Variants in FOXN1 observed in about 807,000 individuals in gnomAD.
The protein encoded by FOXN1 is forkhead box N1.
In FOXN1, 15 loss-of-function variants were observed where a neutral mutation model predicts 49.0. That is an observed-to-expected ratio of 0.31 (90% CI 0.20 to 0.47). The LOEUF (loss-of-function observed/expected upper bound fraction) is 0.47. Among genes scored for constraint, FOXN1 ranks in the 20% least tolerant of loss-of-function variants. The pLI is 1.00. For synonymous variants in FOXN1, 356 were observed against 369.0 expected, an observed-to-expected ratio of 0.96 and a Z score of 0.40; for missense variants, 800 against 842.8, an observed-to-expected ratio of 0.95 and a Z score of 0.63.
intron 1 of FOXN1, among the ~76,000 whole-genome samples, chr17:28,509,499 AG>A (rs1431512382): frequency 1.3e-5 from 2 of 152,134 alleles, no homozygotes; most frequent in Admixed American, 1.3e-4. Context: ...ACCCCTCACC[AG>A]CATCCCCGCC....
intron 4 of FOXN1, among the ~76,000 whole-genome samples, chr17:28,528,158 G>T (rs1394320212): frequency 6.6e-6 from 1 of 152,222 alleles, no homozygotes; most frequent in Non-Finnish European, 1.5e-5. Flanking sequence ...AGGGAGGAAG[G>T]CAAGGGAGAG....
chr17:28,516,805 G>A (rs1224534959), intron 1 of FOXN1, among the ~76,000 whole-genome samples: 1 of 74,794 alleles, frequency 1.3e-5, no homozygotes, highest in Non-Finnish European at 3.0e-5. Flanking sequence ...TCTCCACAGG[G>A]TACACACCTC....
rs752558563 is a variant in FOXN1 at position 28,537,117 on chromosome 17, G to A, written c.1628G>A (p.Gly543Glu). 9 of 1,613,600 alleles carry A rather than the reference G, an allele frequency of 5.6e-6. No individual in the cohort carries two copies. The highest frequency in any genetic ancestry group is 1.3e-5 in the African/African-American group (1 of 74,902). Reference protein sequence around the residue: ...NPSLTDFDFQGNLWEQLKDDS... With the variant: ...NPSLTDFDFQENLWEQLKDDS... Reference sequence around the variant, plus strand: ...ACCTGTTCTCTCCTTCCCCATCTAGGAAACCTGTGGGAACAGTTGAAGGAT... The same window carrying A: ...ACCTGTTCTCTCCTTCCCCATCTAGAAAACCTGTGGGAACAGTTGAAGGAT... Residue 543 changes from glycine (G) to glutamate (E), a missense_variant and splice_region_variant, in exon 9 of 9, where the codon GGA becomes GAA. Coordinates refer to ENST00000579795, the MANE Select transcript of FOXN1 (RefSeq NM_001369369.1).
chr17:28,530,884 T>C, intron 6 of FOXN1, 39 bp downstream of exon 6: 2 of 1,153,740 alleles, frequency 1.7e-6, no homozygotes, highest in South Asian at 2.4e-5. Context: ...CACCCCCAAG[T>C]CCTGGACAGG....
chr17:28,513,841 C>T (rs1257682132), intron 1 of FOXN1, among the ~76,000 whole-genome samples: 2 of 152,174 alleles, frequency 1.3e-5, no homozygotes, highest in African/African-American at 4.8e-5. Flanking sequence ...TAGAGAGGGG[C>T]TGGAGAGACG....
chr17:28,537,536 T>G lies in FOXN1; in HGVS notation c.*100T>G. On this transcript the variant is annotated 3_prime_UTR_variant, in exon 9 of 9. Transcript: ENST00000579795. Reference sequence around the variant, plus strand: ...CTTAAAGGTCAAGGAAGGAAAATACTACCTGTCCCCTATGCCACTAAGCCA... The same window carrying G: ...CTTAAAGGTCAAGGAAGGAAAATACGACCTGTCCCCTATGCCACTAAGCCA... 1 of 920,266 alleles carries G rather than the reference T, an allele frequency of 1.1e-6. No individual in the cohort carries two copies. The highest frequency in any genetic ancestry group is 2.6e-5 in the East Asian group (1 of 38,914). The allele number at this position is 920,266 out of a possible 1,614,324, so 57.0% of individuals were successfully genotyped here.
chr17:28,530,583 G>T (rs376247236), intron 5 of FOXN1, among the ~76,000 whole-genome samples, 166 bp from the exon 6 acceptor site: 80 of 152,280 alleles, frequency 5.3e-4, no homozygotes, highest in East Asian at 4.2e-3. Flanking sequence ...CAAGACCCTC[G>T]CACGTCTGTA....
chr17:28,529,285 C>T (rs1217307593), intron 5 of FOXN1, 61 bp downstream of exon 5: 6 of 1,596,844 alleles, frequency 3.8e-6, no homozygotes, highest in Non-Finnish European at 8.6e-7. Context: ...CCTGGGAACA[C>T]TGAGGCATGG....
intron 6 of FOXN1, among the ~76,000 whole-genome samples, chr17:28,531,110 G>T (rs1567883955): frequency 6.6e-6 from 1 of 152,230 alleles, no homozygotes; most frequent in South Asian, 2.1e-4. Flanking sequence ...GGGAAGGTGG[G>T]CAAGGTAGCA....
At chr17:28,515,106 G>A (rs1001655860) in intron 1 of FOXN1, among the ~76,000 whole-genome samples, 8 of 152,230 alleles carry the variant, frequency 5.3e-5, no homozygotes, top group African/African-American at 1.9e-4. Context: ...TTCCTGGGGT[G>A]TAAAAACTCA....
chr17:28,510,580 GCACACACACACA>G (rs5819850), intron 1 of FOXN1, among the ~76,000 whole-genome samples: 98 of 138,184 alleles, frequency 7.1e-4, no homozygotes, highest in African/African-American at 2.2e-3. Flanking sequence ...GCACACACAC[GCACACACACACA>G]CACACACACA....
chr17:28,517,031 G>A (rs1168462706), intron 1 of FOXN1, among the ~76,000 whole-genome samples: 6 of 26,106 alleles, frequency 2.3e-4, no homozygotes, highest in Admixed American at 3.7e-4. Context: ...CAGGGTACAC[G>A]CCTCCACAGA....
chr17:28,517,681 T>C (rs1400850562), intron 1 of FOXN1, among the ~76,000 whole-genome samples: 11 of 22,846 alleles, frequency 4.8e-4, no homozygotes, highest in East Asian at 2.1e-3. Flanking sequence ...ACAGGATCCA[T>C]ACCTCCACAG....
At chr17:28,510,492 T>C (rs1382133689) in intron 1 of FOXN1, among the ~76,000 whole-genome samples, 3 of 149,842 alleles carry the variant, frequency 2.0e-5, no homozygotes, top group African/African-American at 4.9e-5. Flanking sequence ...GTAAATTCCA[T>C]AGCCATGTCC....
chr17:28,519,556 T>C (rs112677569), intron 1 of FOXN1, among the ~76,000 whole-genome samples: 2 of 152,164 alleles, frequency 1.3e-5, no homozygotes, highest in African/African-American at 4.8e-5. Flanking sequence ...CCTGTGCTGG[T>C]ATTTGCTGAT....
intron 6 of FOXN1, among the ~76,000 whole-genome samples, chr17:28,531,297 A>G (rs908904124): frequency 6.6e-6 from 1 of 152,146 alleles, no homozygotes; most frequent in East Asian, 1.9e-4. Flanking sequence ...TGAGATTAGG[A>G]TCTATCTCTG....
chr17:28,534,773 C>A lies in FOXN1; in HGVS notation c.1202C>A (p.Pro401His). 1 of 1,613,568 alleles carries A rather than the reference C, an allele frequency of 6.2e-7. No homozygotes were observed. The highest frequency in any genetic ancestry group is 8.5e-7 in the Non-Finnish European group (1 of 1,179,710). ...GGCTCCCCACTCCTGGGCTGTCCGC[C>A]CCCTGGGCTGTCCGGCTCAGGCCCC... ...KLGSPLLGCPPPGLSGSGPIR... is the reference protein window; with the variant it reads ...KLGSPLLGCPHPGLSGSGPIR... The change falls in exon 8 of 9, where the codon CCC becomes CAC. Residue 401 changes from proline to histidine, a missense_variant. By Grantham distance (77) the Pro-to-His change is moderately conservative (BLOSUM62 -2). Coordinates refer to ENST00000579795, the MANE Select transcript of FOXN1 (RefSeq NM_001369369.1). This position sits in a 1 kb window ranked among gnomAD's most constrained non-coding sequence, Gnocchi z 4.1.
chr17:28,533,079 T>A (rs2069952670), intron 6 of FOXN1, among the ~76,000 whole-genome samples: 1 of 152,166 alleles, frequency 6.6e-6, no homozygotes, highest in Admixed American at 6.5e-5. Flanking sequence ...CTGCACCAGG[T>A]CCTGCCAGCC....
At chr17:28,510,428 G>T (rs904444174) in intron 1 of FOXN1, among the ~76,000 whole-genome samples, 48 of 149,296 alleles carry the variant, frequency 3.2e-4, no homozygotes, top group African/African-American at 9.1e-4. Context: ...TGAGAATGGG[G>T]TGCATCCCTG....
Sources: gnomAD v4.1 joint callset for allele counts (sites outside exome capture counted in the v4.1 genomes callset) on GRCh38, gnomAD v4.1.1 for gene constraint, Gnocchi (gnomAD v3.1) non-coding constraint, MANE v1.5 for transcripts, NCBI Gene and HGNC (gene_info 2026-07-23, HGNC 2026-07-21) for gene names.